The following BAZ1A variants were observed in gnomAD, a reference collection of about 807,000 sequenced individuals.
BAZ1A encodes the protein bromodomain adjacent to zinc finger domain 1A.
A neutral mutation model predicts 185.2 loss-of-function variants in BAZ1A; 50 were observed. That is an observed-to-expected ratio of 0.27 (90% CI 0.22 to 0.34). The LOEUF is 0.34. BAZ1A is among the 10% of genes least tolerant of loss of function. The pLI is 1.00. For missense variants in BAZ1A, 1,356 were observed against 1,839.9 expected (o/e 0.74, Z 4.81); for synonymous variants, 571 against 615.6 (o/e 0.93, Z 1.07).
At chr14:34,764,572 A>G (rs1190013043) in intron 23 of BAZ1A, 135 bp downstream of exon 23, 5 of 1,244,326 alleles carry the variant, frequency 4.0e-6, no homozygotes, top group South Asian at 1.5e-5. Context: ...GATTATAGGC[A>G]TAAGCTACCG....
At position 34,796,165 on chromosome 14, in the gene BAZ1A, T is replaced by TACATACACACACACAC. The variant is rs112744981; in HGVS notation, c.1129-401_1129-400insGTGTGTGTGTGTATGT. Among the ~76,000 whole-genome samples, 17 of 146,608 alleles carry TACATACACACACACAC rather than the reference T, an allele frequency of 1.2e-4. No homozygotes were observed. The East Asian group carries it at 3.4e-3, about 29-fold the overall frequency. On this transcript the variant is annotated intron_variant, in intron 9 of 26. Coordinates refer to ENST00000360310, the MANE Select transcript of BAZ1A (RefSeq NM_013448.3). ...AAATACAAACACATATACATATACA[T>TACATACACACACACAC]ACACACACACACACACACACACACA...
intron 4 of BAZ1A, among the ~76,000 whole-genome samples, chr14:34,818,624 A>G (rs796139386): frequency 2.0e-5 from 3 of 152,304 alleles, no homozygotes; most frequent in African/African-American, 7.2e-5. Context: ...AAAGAAAAAA[A>G]ATTCCAGAAA....
At position 34,801,041 on chromosome 14, in the gene BAZ1A, G is replaced by C. The variant is rs543369627; in HGVS notation, c.961+53C>G. The C allele has an allele frequency of 2.5e-5, 34 of 1,343,686 alleles. No homozygotes were observed. In the African/African-American group the frequency reaches 4.5e-4, roughly 18 times the overall value. 83.2% of individuals were successfully genotyped at this position (1,343,686 alleles called of 1,614,324 possible). A position where few individuals can be genotyped will look rare whatever the true frequency, so the allele number is the denominator to read the frequency against. Reference sequence around the variant, plus strand: ...GAAACATCCCCCACTCAGGCACAGAGAAATATTCTTTCTTATTCCTAATTA... The same window carrying C: ...GAAACATCCCCCACTCAGGCACAGACAAATATTCTTTCTTATTCCTAATTA... On this transcript the variant is annotated intron_variant, in intron 8 of 26. Transcript: ENST00000360310.
chr14:34,801,078 CAATGTTA>C lies in BAZ1A; in HGVS notation c.961+9_961+15del. On this transcript the variant is annotated intron_variant, in intron 8 of 26. Coordinates refer to ENST00000360310, the MANE Select transcript of BAZ1A (RefSeq NM_013448.3). ...CTTATTCCTAATTAGCTTTTGGAAACAATGTTAAAACTCACCCAGTGACTTCATTTCT... is the reference window on the plus strand; with the variant it reads ...CTTATTCCTAATTAGCTTTTGGAAACAAACTCACCCAGTGACTTCATTTCT... 1 of 1,537,990 alleles carries C rather than the reference CAATGTTA, an allele frequency of 6.5e-7. No homozygotes were observed.
At chr14:34,872,941 A>AAAAAAAAAAAAAAAAAAAAACAAC (rs1555346584) in intron 2 of BAZ1A, among the ~76,000 whole-genome samples, 3 of 122,620 alleles carry the variant, frequency 2.4e-5, no homozygotes, top group Non-Finnish European at 5.0e-5. Flanking sequence ...AAAAAAAAAA[A>AAAAAAAAAAAAAAAAAAAAACAAC]CTTGTCCAAT....
intron 3 of BAZ1A, among the ~76,000 whole-genome samples, chr14:34,849,292 G>A (rs1345607100): frequency 6.6e-6 from 1 of 152,070 alleles, no homozygotes; most frequent in African/African-American, 2.4e-5. Flanking sequence ...CTCAAAAGAG[G>A]GGAAAAAGAA....
In BAZ1A at chr14:34,807,525, G is replaced by C; in HGVS notation, c.652C>G (p.Leu218Val). 2 of 1,612,368 alleles carry C rather than the reference G, an allele frequency of 1.2e-6. No individual in the cohort carries two copies. The highest frequency in any genetic ancestry group is 1.7e-6 in the Non-Finnish European group (2 of 1,178,922). ...AGCTTTAGTTTATCACGAGAAAATA[G>C]GTGTTTTCTCCGGCTACAGGAGGCA... ...KATQISRRKH[L>V]FSRDKLKLFL... The change falls in exon 6 of 27, where the codon CTA becomes GTA. Residue 218 changes from leucine (L) to valine (V), a missense_variant. By Grantham distance (32) the Leu-to-Val change is conservative (BLOSUM62 1). Around this residue, in one of 7 missense-constraint regions of BAZ1A, gnomAD observed 332 missense variants for 395.3 expected, o/e 0.84. Transcript: ENST00000360310.
chr14:34,814,587 A>G (rs2041978460), intron 4 of BAZ1A, among the ~76,000 whole-genome samples: 1 of 151,608 alleles, frequency 6.6e-6, no homozygotes. Context: ...TCCTATCTCA[A>G]TCTCCCGGGT....
chr14:34,839,839 C>CAAAA (rs60954768), intron 3 of BAZ1A, among the ~76,000 whole-genome samples: 10 of 106,682 alleles, frequency 9.4e-5, no homozygotes, highest in Admixed American at 3.1e-4. Context: ...GCCTCTGTTT[C>CAAAA]AAAAAAAAAA....
intron 2 of BAZ1A, among the ~76,000 whole-genome samples, chr14:34,864,136 ATTT>A (rs897665189): frequency 6.6e-6 from 1 of 150,444 alleles, no homozygotes; most frequent in Non-Finnish European, 1.5e-5. Context: ...TTGAATTTTT[ATTT>A]TTTTTTATGT....
At chr14:34,810,755 T>TG (rs1309354895) in intron 5 of BAZ1A, among the ~76,000 whole-genome samples, 180 bp downstream of exon 5, 4 of 152,186 alleles carry the variant, frequency 2.6e-5, no homozygotes, top group African/African-American at 9.6e-5. Context: ...CTACTGCACC[T>TG]GGCCTCCATC....
intron 26 of BAZ1A, among the ~76,000 whole-genome samples, chr14:34,754,247 A>G (rs1886139589): frequency 7.4e-6 from 1 of 134,646 alleles, no homozygotes; most frequent in African/African-American, 2.8e-5. Flanking sequence ...GCAAGACTCC[A>G]TCATCTCAAA....
chr14:34,845,845 G>GC (rs2138774425), intron 3 of BAZ1A, among the ~76,000 whole-genome samples: 1 of 132,496 alleles, frequency 7.5e-6, no homozygotes, highest in African/African-American at 2.9e-5. Flanking sequence ...TGGCGACAGA[G>GC]CAAGACTCTG....
At chr14:34,786,424 C>A in intron 12 of BAZ1A, 1 of 461,780 alleles carries the variant, frequency 2.2e-6, no homozygotes, top group Non-Finnish European at 3.8e-6. Context: ...TACACACTGA[C>A]ATTTCTGTAA....
At chr14:34,864,491 A>T in intron 2 of BAZ1A, among the ~76,000 whole-genome samples, 1 of 150,284 alleles carries the variant, frequency 6.7e-6, no homozygotes, top group South Asian at 2.1e-4. Flanking sequence ...TTTTGCAATA[A>T]TTTTTTTTAA....
chr14:34,868,468 A>G (rs1202638115), intron 2 of BAZ1A, among the ~76,000 whole-genome samples: 1 of 152,184 alleles, frequency 6.6e-6, no homozygotes, highest in East Asian at 1.9e-4. Context: ...GAAAACTAAA[A>G]AACTAAAAAC....
intron 3 of BAZ1A, among the ~76,000 whole-genome samples, chr14:34,851,225 T>C (rs1237618220): frequency 6.7e-6 from 1 of 149,904 alleles, no homozygotes; most frequent in Non-Finnish European, 1.5e-5. Flanking sequence ...CCCAGCTACT[T>C]AGGAGGCTGA....
intron 21 of BAZ1A, among the ~76,000 whole-genome samples, chr14:34,765,860 CAATA>C (rs1202720124): frequency 2.0e-5 from 3 of 152,172 alleles, no homozygotes; most frequent in Non-Finnish European, 4.4e-5. Context: ...TGCTATCAAT[CAATA>C]GTCATTTTAT....
chr14:34,850,621 T>C (rs961364567), intron 3 of BAZ1A, among the ~76,000 whole-genome samples: 4 of 152,192 alleles, frequency 2.6e-5, no homozygotes, highest in Non-Finnish European at 4.4e-5. Context: ...TATTAAGTAG[T>C]CTGTACGCTA....
Sources: gnomAD v4.1 joint callset for allele counts (sites outside exome capture counted in the v4.1 genomes callset) on GRCh38, gnomAD v4.1.1 for gene constraint, gnomAD v4.1.1 regional missense constraint, MANE v1.5 for transcripts, NCBI Gene and HGNC (gene_info 2026-07-23, HGNC 2026-07-21) for gene names.